KCNQ5: variants seen among roughly 807,000 people sequenced by gnomAD.
KCNQ5 encodes potassium voltage-gated channel subfamily Q member 5.
A neutral mutation model predicts 98.2 loss-of-function variants in KCNQ5; 30 were observed. The observed-to-expected ratio is 0.31, with a 90% CI of 0.23 to 0.41. KCNQ5 has a LOEUF of 0.41. Among genes scored for constraint, KCNQ5 ranks in the 10% least tolerant of loss-of-function variants. The probability of loss-of-function intolerance (pLI) is 1.00; values close to 1 mark genes in which losing one functional copy is unlikely to be tolerated. For missense variants in KCNQ5, 835 were observed against 1,182.5 expected, an observed-to-expected ratio of 0.71 and a Z score of 4.31; for synonymous variants, 458 against 449.4, an observed-to-expected ratio of 1.02 and a Z score of -0.24.
chr6:73,020,192 C>A (rs1770531835), intron 2 of KCNQ5, among the ~76,000 whole-genome samples: 1 of 152,058 alleles, frequency 6.6e-6, no homozygotes, highest in South Asian at 2.1e-4. Context: ...GGCTCAGTCC[C>A]ATGAGACTGC....
chr6:73,061,041 A>G (rs537492339), intron 3 of KCNQ5, among the ~76,000 whole-genome samples: 1 of 152,300 alleles, frequency 6.6e-6, no homozygotes, highest in South Asian at 2.1e-4. Context: ...ACTATAGCTG[A>G]ATAAACTATT....
chr6:72,849,519 G>A (rs1419274494), intron 1 of KCNQ5, among the ~76,000 whole-genome samples: 3 of 152,058 alleles, frequency 2.0e-5, no homozygotes, highest in Non-Finnish European at 2.9e-5. Context: ...TTTTAAATAG[G>A]TTTGAGAAGT....
chr6:72,743,365 A>G (rs1363765379), intron 1 of KCNQ5, among the ~76,000 whole-genome samples: 1 of 151,900 alleles, frequency 6.6e-6, no homozygotes, highest in African/African-American at 2.4e-5. Flanking sequence ...TCATCAAAAC[A>G]ATTTAATGAT....
intron 1 of KCNQ5, among the ~76,000 whole-genome samples, chr6:72,717,513 A>T (rs183283529): frequency 3.3e-4 from 50 of 152,352 alleles, no homozygotes; most frequent in African/African-American, 1.0e-3. Flanking sequence ...TTACCAAATA[A>T]CATATCATGA....
At chr6:72,879,448 T>C (rs538073530) in intron 1 of KCNQ5, among the ~76,000 whole-genome samples, 1 of 152,318 alleles carries the variant, frequency 6.6e-6, no homozygotes, top group East Asian at 1.9e-4. Context: ...TCCATATCCT[T>C]GCCCATTTCT....
intron 1 of KCNQ5, among the ~76,000 whole-genome samples, chr6:72,948,537 T>G (rs1766649886): frequency 6.6e-6 from 1 of 152,124 alleles, no homozygotes; most frequent in Admixed American, 6.5e-5. Context: ...ATTTTTCCTC[T>G]CAAGGTATGT....
intron 1 of KCNQ5, among the ~76,000 whole-genome samples, chr6:72,872,857 G>A (rs1778266356): frequency 6.6e-6 from 1 of 151,960 alleles, no homozygotes; most frequent in Non-Finnish European, 1.5e-5. Flanking sequence ...TGAAATTGAT[G>A]TCCGTATTTT....
At chr6:73,111,734 T>C (rs1283813153) in intron 7 of KCNQ5, among the ~76,000 whole-genome samples, 2 of 152,198 alleles carry the variant, frequency 1.3e-5, no homozygotes, top group African/African-American at 4.8e-5. Context: ...ACGTAATTGA[T>C]CATTAAGTGA....
chr6:73,035,985 TTGTGTGTGTGTGTGTGTGTGTGTGTG>T (rs70994155), intron 2 of KCNQ5, among the ~76,000 whole-genome samples: 1 of 140,536 alleles, frequency 7.1e-6, no homozygotes, highest in Admixed American at 7.1e-5. Flanking sequence ...TTGAATACAT[TTGTGTGTGTGTGTGTGTGTGTGTGTG>T]TGTGTGTGTG....
At chr6:73,088,511 G>A (rs1179887948) in intron 5 of KCNQ5, among the ~76,000 whole-genome samples, 3 of 152,000 alleles carry the variant, frequency 2.0e-5, no homozygotes, top group African/African-American at 7.3e-5. Context: ...TTAAATGTCT[G>A]TGTTTTTTGA....
chr6:73,150,378 T>G (rs1190933614), intron 10 of KCNQ5, among the ~76,000 whole-genome samples: 2 of 150,492 alleles, frequency 1.3e-5, no homozygotes, highest in Admixed American at 6.6e-5. Flanking sequence ...ATCCTATATA[T>G]GCATGGTCGT....
chr6:73,144,101 GA>G (rs566006313), intron 10 of KCNQ5, among the ~76,000 whole-genome samples: 3 of 152,092 alleles, frequency 2.0e-5, no homozygotes, highest in Non-Finnish European at 2.9e-5. Context: ...ACTTGGTAAA[GA>G]AGGGGGGAAA....
intron 11 of KCNQ5, among the ~76,000 whole-genome samples, chr6:73,178,777 A>C (rs1372724109): frequency 2.6e-5 from 4 of 152,236 alleles, no homozygotes; most frequent in Non-Finnish European, 5.9e-5. Context: ...ATAATTTTAT[A>C]ACTTGCTTTG....
In KCNQ5 at chr6:72,830,759, T is replaced by G. The variant is rs535321805; in HGVS notation, c.399-173149T>G. ...TGTGATCTAATTAAACTAAAGAGCT[T>G]CTGCACAGCAAGGAAACTACCATCA... is the stretch of plus-strand genomic sequence containing the variant. On this transcript the variant is annotated intron_variant, in intron 1 of 13. Coordinates refer to ENST00000370398, the MANE Select transcript of KCNQ5 (RefSeq NM_019842.4). Among the ~76,000 whole-genome samples, 7 of 152,290 alleles carry G rather than the reference T, an allele frequency of 4.6e-5. No homozygotes were observed. The East Asian group carries it at 1.2e-3, about 25-fold the overall frequency.
At chr6:73,064,916 T>C (rs1772979482) in intron 3 of KCNQ5, among the ~76,000 whole-genome samples, 1 of 152,186 alleles carries the variant, frequency 6.6e-6, no homozygotes, top group Admixed American at 6.5e-5. Flanking sequence ...TCCTGTTTTA[T>C]AAATACAGAA....
intron 5 of KCNQ5, 121 bp downstream of exon 5, chr6:73,078,008 G>A: frequency 1.3e-6 from 1 of 797,726 alleles, no homozygotes; most frequent in Non-Finnish European, 1.8e-6. Context: ...AGAGTTATAT[G>A]GAAAATAAAT....
At chr6:72,702,338 C>T (rs1377172251) in intron 1 of KCNQ5, among the ~76,000 whole-genome samples, 2 of 152,260 alleles carry the variant, frequency 1.3e-5, no homozygotes, top group East Asian at 3.9e-4. Context: ...GAACCAAATA[C>T]ACAATCACCA....
intron 1 of KCNQ5, among the ~76,000 whole-genome samples, chr6:72,661,123 T>TTA (rs985198621): frequency 7.2e-5 from 11 of 151,916 alleles, no homozygotes; most frequent in South Asian, 4.1e-4. Flanking sequence ...GAAACTCATT[T>TTA]TATATATATA....
rs773692396 is a variant in KCNQ5 at position 73,194,732 on chromosome 6, G to T, written c.2117G>T (p.Ser706Ile). Residue 706 changes from serine (S) to isoleucine (I), a missense_variant, in exon 14 of 14, where the codon AGC becomes ATC. Transcript: ENST00000370398. ...EFSAQTFYAL[S>I]PTMHSQATQV... ...AGTGCCCAGACTTTCTACGCGCTTA[G>T]CCCTACTATGCACAGTCAAGCAACA... The T allele has an allele frequency of 9.2e-5, 148 of 1,614,216 alleles. No homozygotes were observed. The highest frequency in any genetic ancestry group is 1.2e-4 in the Non-Finnish European group (140 of 1,180,044).
Sources: gnomAD v4.1 joint callset for allele counts (sites outside exome capture counted in the v4.1 genomes callset) on GRCh38, gnomAD v4.1.1 for gene constraint, MANE v1.5 for transcripts, NCBI Gene and HGNC (gene_info 2026-07-23, HGNC 2026-07-21) for gene names.